The following LECT2 variants were observed in gnomAD, a reference collection of about 807,000 sequenced individuals.
The protein encoded by LECT2 is leukocyte cell-derived chemotaxin-2.
A neutral mutation model predicts 16.6 loss-of-function variants in LECT2; 11 were observed. The observed-to-expected ratio is 0.66, with a 90% CI of 0.42 to 1.09. The LOEUF is 1.09. LECT2 is among the 50% of genes least tolerant of loss of function. LECT2 has a pLI of 0.00. For missense variants in LECT2, 173 were observed against 184.2 expected (o/e 0.94, Z 0.35); for synonymous variants, 54 against 64.8 (o/e 0.83, Z 0.80).
At chr5:135,951,939 C>T (rs1010001338) in intron 2 of LECT2, among the ~76,000 whole-genome samples, 9 of 152,130 alleles carry the variant, frequency 5.9e-5, no homozygotes, top group African/African-American at 2.2e-4. Context: ...CTTAGCAACC[C>T]CTCAGCTCTT....
chr5:135,947,602 A>T, intron 3 of LECT2, 105 bp from the exon 4 acceptor site: 1 of 1,233,856 alleles, frequency 8.1e-7, no homozygotes, highest in Non-Finnish European at 1.1e-6. Flanking sequence ...ATGTTGAATG[A>T]ACTCAGGAGA....
At chr5:135,948,190 C>T (rs1177444513) in intron 3 of LECT2, among the ~76,000 whole-genome samples, 3 of 152,130 alleles carry the variant, frequency 2.0e-5, no homozygotes, top group Admixed American at 2.0e-4. Context: ...GGCATTGAAA[C>T]AAGACGAAGA....
intron 3 of LECT2, 65 bp downstream of exon 3, chr5:135,951,158 G>T: frequency 1.4e-6 from 2 of 1,443,826 alleles, no homozygotes; most frequent in Non-Finnish European, 9.7e-7. Context: ...TATGGAACCT[G>T]CATTAAATAA....
intron 3 of LECT2, 91 bp downstream of exon 3, chr5:135,951,131 AG>A: frequency 1.7e-6 from 2 of 1,210,976 alleles, no homozygotes; most frequent in Non-Finnish European, 2.4e-6. Flanking sequence ...TTTTGAAAGA[AG>A]TACAAAATCT....
intron 2 of LECT2, chr5:135,951,657 A>C: frequency 3.3e-6 from 1 of 306,794 alleles, no homozygotes; most frequent in East Asian, 5.4e-5. Flanking sequence ...TGTTGGGGGA[A>C]TGAGGCAGTC....
Position 135,947,216 on chromosome 5 carries a change from A to G in LECT2, c.*115T>C, listed in dbSNP as rs1457691984. The G allele has an allele frequency of 8.9e-6, 8 of 897,198 alleles. No individual in the cohort carries two copies. The highest frequency in any genetic ancestry group is 5.0e-5 in the South Asian group (3 of 60,368). The allele number at this position is 897,198 out of a possible 1,614,324, so 55.6% of individuals were successfully genotyped here. A position where few individuals can be genotyped will look rare whatever the true frequency, so the allele number is the denominator to read the frequency against. ...ATAATCATGTCATGGAAAATGGGGT[A>G]TCCATCCCTTCATGCATTTTTCCTT... On this transcript the variant is annotated 3_prime_UTR_variant, in exon 4 of 4. Transcript: ENST00000274507.
intron 1 of LECT2, 55 bp downstream of exon 1, chr5:135,954,733 C>G: frequency 7.8e-7 from 1 of 1,279,162 alleles, no homozygotes; most frequent in South Asian, 1.2e-5. Flanking sequence ...TAGTCTTCCC[C>G]TGAAATCAGT....
At chr5:135,953,009 C>T (rs1424321766) in intron 1 of LECT2, 42 bp from the exon 2 acceptor site, 8 of 1,332,040 alleles carry the variant, frequency 6.0e-6, no homozygotes, top group Non-Finnish European at 8.7e-6. Context: ...TGGCCTCAGA[C>T]ATTTCCTATC....
intron 2 of LECT2, 50 bp downstream of exon 2, chr5:135,952,816 TAAGAA>T: frequency 7.5e-7 from 1 of 1,329,898 alleles, no homozygotes; most frequent in South Asian, 1.2e-5. Flanking sequence ...GCAAGGACAC[TAAGAA>T]AAGAGGTTAG....
chr5:135,951,833 T>C (rs1284294569), intron 2 of LECT2, among the ~76,000 whole-genome samples: 1 of 152,210 alleles, frequency 6.6e-6, no homozygotes, highest in Non-Finnish European at 1.5e-5. Context: ...TTACTGTATA[T>C]GGTATTTTAA....
chr5:135,949,131 A>G (rs1763750302), intron 3 of LECT2, among the ~76,000 whole-genome samples: 1 of 152,234 alleles, frequency 6.6e-6, no homozygotes, highest in Non-Finnish European at 1.5e-5. Flanking sequence ...CATTAATATA[A>G]CAGTGAAGGA....
At position 135,947,158 on chromosome 5, in the gene LECT2, G is replaced by A. The variant is rs31528; in HGVS notation, c.*173C>T. The A allele has an allele frequency of 0.18, 96,587 of 551,908 alleles. 9,277 individuals carry two copies. The highest frequency in any genetic ancestry group is 0.27 in the Admixed American group (8,523 of 31,706). 34.2% of individuals were successfully genotyped at this position (551,908 alleles called of 1,614,324 possible). ...ATAGGTGTATTTGTTTATGAGGTAC[G>A]TGAGATGTTTTGATACAGGCATGCA... On this transcript the variant is annotated 3_prime_UTR_variant, in exon 4 of 4. Coordinates refer to ENST00000274507, the MANE Select transcript of LECT2 (RefSeq NM_002302.3).
At chr5:135,951,810 T>C (rs1368948389) in intron 2 of LECT2, among the ~76,000 whole-genome samples, 5 of 152,200 alleles carry the variant, frequency 3.3e-5, no homozygotes, top group Non-Finnish European at 7.4e-5. Context: ...AGAAAAGTGA[T>C]TGTAAACGTC....
At chr5:135,952,411 C>T (rs1452258798) in intron 2 of LECT2, among the ~76,000 whole-genome samples, 1 of 152,154 alleles carries the variant, frequency 6.6e-6, no homozygotes. Context: ...TAATATTCAA[C>T]ATCCAGAGCC....
Position 135,947,314 on chromosome 5 carries a change from G to T in LECT2, c.*17C>A. 1 of 1,609,966 alleles carries T rather than the reference G, an allele frequency of 6.2e-7. No homozygotes were observed. On this transcript the variant is annotated 3_prime_UTR_variant, in exon 4 of 4. Coordinates refer to ENST00000274507, the MANE Select transcript of LECT2 (RefSeq NM_002302.3). ...AGATGACTTTTTATTTTGAAGATCT[G>T]ACCATTGGCCTTCGATTTACAGGTA...
At chr5:135,948,999 C>T (rs1279191466) in intron 3 of LECT2, among the ~76,000 whole-genome samples, 1 of 152,186 alleles carries the variant, frequency 6.6e-6, no homozygotes, top group Non-Finnish European at 1.5e-5. Flanking sequence ...ATATATATGA[C>T]TTCTGTTATA....
chr5:135,948,675 T>A (rs31525), intron 3 of LECT2, among the ~76,000 whole-genome samples: 8,425 of 137,740 alleles, frequency 0.061, 568 homozygotes, highest in African/African-American at 0.18. Context: ...TAATAATAAT[T>A]ATTATTATTA....
At chr5:135,954,329 G>T (rs940377818) in intron 1 of LECT2, among the ~76,000 whole-genome samples, 5 of 152,146 alleles carry the variant, frequency 3.3e-5, no homozygotes, top group Non-Finnish European at 5.9e-5. Flanking sequence ...TTATCCTTGG[G>T]AATTGAGGCA....
chr5:135,954,875 C>G lies in LECT2; in HGVS notation c.-42G>C. On this transcript the variant is annotated 5_prime_UTR_variant, in exon 1 of 4. Coordinates refer to ENST00000274507, the MANE Select transcript of LECT2 (RefSeq NM_002302.3). Reference sequence around the variant, plus strand: ...TAGTTTCTTCCTCTGATTAGAGTTGCCCCCACACTCTCTTTGAAGAATATT... The same window carrying G: ...TAGTTTCTTCCTCTGATTAGAGTTGGCCCCACACTCTCTTTGAAGAATATT... 7.2e-7 allele frequency: 1 copy of G among 1,384,728 alleles called. No homozygotes were observed. The highest frequency in any genetic ancestry group is 1.0e-6 in the Non-Finnish European group (1 of 972,616). The allele number at this position is 1,384,728 out of a possible 1,614,324, so 85.8% of individuals were successfully genotyped here. A position where few individuals can be genotyped will look rare whatever the true frequency, so the allele number is the denominator to read the frequency against.
Sources: allele counts gnomAD v4.1 joint callset (sites outside exome capture counted in the v4.1 genomes callset), GRCh38; gene constraint gnomAD v4.1.1; transcripts MANE v1.5; gene names NCBI Gene and HGNC (gene_info 2026-07-23, HGNC 2026-07-21).